ADGRL2: variants seen among roughly 807,000 people sequenced by gnomAD.
The protein encoded by ADGRL2 is adhesion G protein-coupled receptor L2.
A neutral mutation model predicts 157.4 loss-of-function variants in ADGRL2; 44 were observed. The ratio of observed to expected loss-of-function variants is 0.28; its 90% CI spans 0.22 to 0.36. ADGRL2 has a LOEUF of 0.36. Among genes scored for constraint, ADGRL2 ranks in the 10% least tolerant of loss-of-function variants. The pLI, the probability that ADGRL2 is intolerant of heterozygous loss-of-function variation, is 1.00. For missense variants in ADGRL2, 1,510 were observed against 1,768.9 expected (o/e 0.85, Z 2.63); for synonymous variants, 585 against 624.7 (o/e 0.94, Z 0.95).
chr1:81,719,067 C>T (rs2084210601), intron 1 of ADGRL2, among the ~76,000 whole-genome samples: 2 of 152,190 alleles, frequency 1.3e-5, no homozygotes, highest in Admixed American at 6.5e-5. Context: ...TGGAAAACTG[C>T]AGATTAAAAA....
At chr1:81,373,231 T>C (rs2076190984) in intron 1 of ADGRL2, among the ~76,000 whole-genome samples, 2 of 152,236 alleles carry the variant, frequency 1.3e-5, no homozygotes, top group African/African-American at 2.4e-5. Flanking sequence ...TTGTTCCTGC[T>C]TTAGTCCTCT....
chr1:81,387,832 A>T (rs899934293), intron 1 of ADGRL2, among the ~76,000 whole-genome samples: 7 of 152,056 alleles, frequency 4.6e-5, no homozygotes, highest in Admixed American at 4.6e-4. Context: ...TTCCAGTAAT[A>T]CCTCTGTCTA....
intron 2 of ADGRL2, among the ~76,000 whole-genome samples, chr1:81,794,033 A>G (rs1327490932): frequency 2.0e-5 from 3 of 152,108 alleles, no homozygotes; most frequent in African/African-American, 7.2e-5. Context: ...TATTTTAACA[A>G]ACTATAAAAA....
At chr1:81,808,814 A>G (rs1389731192) in intron 1 of ADGRL2, among the ~76,000 whole-genome samples, 1 of 152,052 alleles carries the variant, frequency 6.6e-6, no homozygotes, top group African/African-American at 2.4e-5. Context: ...CACCTGTTTT[A>G]TTACCACCTT....
intron 2 of ADGRL2, among the ~76,000 whole-genome samples, chr1:81,879,001 T>C (rs1290860144): frequency 2.6e-5 from 4 of 152,202 alleles, no homozygotes; most frequent in Admixed American, 6.5e-5. Context: ...GAATATATTC[T>C]TAAACAAATA....
chr1:81,462,505 G>A (rs2077959264), intron 2 of ADGRL2, among the ~76,000 whole-genome samples: 1 of 152,122 alleles, frequency 6.6e-6, no homozygotes, highest in Non-Finnish European at 1.5e-5. Flanking sequence ...GAGGGAGGGA[G>A]ACAAGCAGAC....
At chr1:81,747,091 C>T (rs535256666) in intron 1 of ADGRL2, among the ~76,000 whole-genome samples, 21 of 137,626 alleles carry the variant, frequency 1.5e-4, no homozygotes, top group East Asian at 6.8e-4. Context: ...TGTGTATATA[C>T]GTAATATATA....
intron 1 of ADGRL2, among the ~76,000 whole-genome samples, chr1:81,386,208 T>C (rs188191577): frequency 2.6e-5 from 4 of 152,204 alleles, no homozygotes; most frequent in East Asian, 3.9e-4. Context: ...TTCCTCTATC[T>C]AAATGAAATA....
intron 2 of ADGRL2, chr1:81,501,937 CT>C: frequency 6.2e-7 from 1 of 1,613,946 alleles, no homozygotes; most frequent in Non-Finnish European, 8.5e-7. Flanking sequence ...AGCCGACTCT[CT>C]TTTCCGCCAC....
intron 11 of ADGRL2, among the ~76,000 whole-genome samples, chr1:81,958,544 A>T (rs757986910): frequency 6.6e-6 from 1 of 152,166 alleles, no homozygotes; most frequent in East Asian, 1.9e-4. Context: ...GTTTAACTTC[A>T]TAGCATGATT....
rs724305 is a variant in ADGRL2, at chr1:81,636,449, G to A, written c.-143+55469G>A. ...TAAGTGTTCACTGTCCCTTGCTTTA[G>A]GGGTACTTTGATGGGAAAGTCTAAA... On this transcript the variant is annotated intron_variant, in intron 3 of 24. Transcript: ENST00000370721. Among the ~76,000 whole-genome samples the A allele has an allele frequency of 6.6e-5, 10 of 152,148 alleles. No homozygotes were observed. In the South Asian group the frequency reaches 2.1e-3, roughly 32 times the overall value.
intron 2 of ADGRL2, among the ~76,000 whole-genome samples, chr1:81,468,854 G>A (rs1170439766): frequency 2.0e-5 from 3 of 152,112 alleles, no homozygotes; most frequent in African/African-American, 4.8e-5. Flanking sequence ...ATACTGAGAT[G>A]GTAAGAGAAA....
chr1:81,646,599 A>T (rs1032522753), intron 3 of ADGRL2, among the ~76,000 whole-genome samples: 1 of 152,348 alleles, frequency 6.6e-6, no homozygotes, highest in Middle Eastern at 3.4e-3. Flanking sequence ...ATTAATTAAC[A>T]GGAGCCATAG....
chr1:81,558,835 C>T (rs1259557480), intron 2 of ADGRL2, among the ~76,000 whole-genome samples: 1 of 152,100 alleles, frequency 6.6e-6, no homozygotes, highest in African/African-American at 2.4e-5. Flanking sequence ...AAAAGAAGAG[C>T]GATATAATGA....
At chr1:81,311,926 A>G (rs1003548719) in intron 1 of ADGRL2, among the ~76,000 whole-genome samples, 2 of 152,192 alleles carry the variant, frequency 1.3e-5, no homozygotes, top group African/African-American at 2.4e-5. Context: ...AATGGGGAAG[A>G]GATGAGGAGA....
intron 1 of ADGRL2, chr1:81,426,428 G>C: frequency 2.8e-6 from 1 of 362,786 alleles, no homozygotes; most frequent in South Asian, 2.1e-5. Context: ...TAGTGAACTC[G>C]AGTCGGAAGA....
rs1249802379 is a variant in ADGRL2 at position 81,943,419 on chromosome 1, A to G, written c.860A>G (p.Asn287Ser). ...LWVIYATEQN[N>S]GMIVISQLNP... ...GTCATTTACGCCACTGAACAGAACA[A>G]TGGAATGATAGTTATTAGCCAGCTG... Residue 287 changes from asparagine to serine, a missense_variant, in exon 6 of 24, where the codon AAT (asparagine) becomes AGT (serine). Around this residue, in one of 4 missense-constraint regions of ADGRL2, gnomAD observed 361 missense variants for 498.4 expected, o/e 0.72. Transcript: ENST00000686636. The surrounding 1 kb of genome is among the most constrained non-coding windows in gnomAD (Gnocchi z 5.6). 1.2e-6 allele frequency: 2 copies of G among 1,613,590 alleles called. No individual in the cohort carries two copies. Among genetic ancestry groups the G allele is most frequent in the South Asian group, 2.2e-5 (2 of 91,086 alleles).
intron 1 of ADGRL2, among the ~76,000 whole-genome samples, chr1:81,397,758 T>C (rs755654447): frequency 5.3e-5 from 8 of 152,236 alleles, no homozygotes; most frequent in Admixed American, 2.6e-4. Context: ...GAATGTTTGA[T>C]GTGCTGATAA....
At chr1:81,920,295 C>T (rs920871832) in intron 3 of ADGRL2, among the ~76,000 whole-genome samples, 2 of 152,126 alleles carry the variant, frequency 1.3e-5, no homozygotes, top group African/African-American at 2.4e-5. Context: ...AGAATAAAAA[C>T]TGTGAAAATG....
Sources: allele counts gnomAD v4.1 joint callset (sites outside exome capture counted in the v4.1 genomes callset), GRCh38; gene constraint gnomAD v4.1.1; regional missense constraint gnomAD v4.1.1; non-coding constraint Gnocchi (gnomAD v3.1); transcripts MANE v1.5; gene names NCBI Gene and HGNC (gene_info 2026-07-23, HGNC 2026-07-21).